CLHC1: variants seen among roughly 807,000 people sequenced by gnomAD.
The protein encoded by CLHC1 is clathrin heavy chain linker domain-containing protein 1.
Under a neutral mutation model 69.5 loss-of-function variants are expected in CLHC1, and 72 were observed. That is an observed-to-expected ratio of 1.04 (90% CI 0.86 to 1.26). The LOEUF (loss-of-function observed/expected upper bound fraction) is 1.26, where lower values mean the gene tolerates loss of function less well. Ranked by LOEUF, CLHC1 falls within the 50% of genes most tolerant of loss-of-function variation. CLHC1 has a pLI of 0.00. For synonymous variants in CLHC1, 223 were observed against 224.3 expected (o/e 0.99, Z 0.05); for missense variants, 790 against 679.3 (o/e 1.16, Z -1.81).
intron 2 of CLHC1, 127 bp from the exon 3 acceptor site, chr2:55,222,620 G>A (rs975999786): frequency 4.8e-6 from 2 of 418,464 alleles, no homozygotes; most frequent in Non-Finnish European, 8.5e-6. Flanking sequence ...TTCAACCTAT[G>A]TATTAAAAGG....
chr2:55,174,143 A>G lies in CLHC1; in HGVS notation c.*1647T>C, dbSNP rs1669183495. The stretch of plus-strand genomic sequence containing the variant: ...TCAACAGCCTGTATGAAGGCCAAAA[A>G]TCAAAATATTATTTTGATAAGGCTT... On this transcript the variant is annotated 3_prime_UTR_variant, in exon 13 of 13. Transcript: ENST00000401408. 6.6e-6 allele frequency among the ~76,000 whole-genome samples: 1 copy of G among 152,224 alleles called. No individual in the cohort carries two copies. Among genetic ancestry groups the G allele is most frequent in the South Asian group, 2.1e-4 (1 of 4,836 alleles).
At chr2:55,215,751 A>G (rs1673433196) in intron 4 of CLHC1, among the ~76,000 whole-genome samples, 1 of 152,132 alleles carries the variant, frequency 6.6e-6, no homozygotes, top group Non-Finnish European at 1.5e-5. Context: ...TATGGTCACT[A>G]GCTTTTAAAA....
At chr2:55,221,429 A>G (rs988758924) in intron 3 of CLHC1, among the ~76,000 whole-genome samples, 1 of 152,236 alleles carries the variant, frequency 6.6e-6, no homozygotes, top group Non-Finnish European at 1.5e-5. Flanking sequence ...TATTTCCAAT[A>G]TTAATTCCAG....
chr2:55,210,215 G>C (rs12469768), intron 5 of CLHC1, among the ~76,000 whole-genome samples: 2,251 of 150,070 alleles, frequency 0.015, 39 homozygotes, highest in South Asian at 0.06. Flanking sequence ...TATTTTTTTT[G>C]AGATGGAGTC....
intron 9 of CLHC1, among the ~76,000 whole-genome samples, chr2:55,190,088 A>C (rs1472804245): frequency 6.6e-6 from 1 of 152,032 alleles, no homozygotes; most frequent in Non-Finnish European, 1.5e-5. Flanking sequence ...TCTGTGGCCC[A>C]GGCTGGAGTG....
At chr2:55,177,545 G>T in intron 12 of CLHC1, 57 bp downstream of exon 12, 1 of 1,289,176 alleles carries the variant, frequency 7.8e-7, no homozygotes, top group Non-Finnish European at 1.1e-6. Flanking sequence ...TAACCATCTT[G>T]AACCTCTCCC....
At chr2:55,221,968 C>T (rs1042982087) in intron 3 of CLHC1, among the ~76,000 whole-genome samples, 1 of 152,160 alleles carries the variant, frequency 6.6e-6, no homozygotes, top group Non-Finnish European at 1.5e-5. Flanking sequence ...TACAGTGAGA[C>T]TCTCTCTTTA....
intron 9 of CLHC1, among the ~76,000 whole-genome samples, chr2:55,191,806 A>G (rs1028648445): frequency 1.2e-4 from 19 of 152,180 alleles, no homozygotes; most frequent in Non-Finnish European, 2.5e-4. Flanking sequence ...TTTCAAAAAA[A>G]AAGAAGAGAT....
At chr2:55,190,532 G>T (rs952709158) in intron 9 of CLHC1, among the ~76,000 whole-genome samples, 5 of 152,136 alleles carry the variant, frequency 3.3e-5, no homozygotes, top group Admixed American at 6.5e-5. Flanking sequence ...GATGGAATAT[G>T]TTAAGTAGAG....
At chr2:55,211,883 T>C (rs1206048587) in intron 5 of CLHC1, among the ~76,000 whole-genome samples, 1 of 152,212 alleles carries the variant, frequency 6.6e-6, no homozygotes, top group Non-Finnish European at 1.5e-5. Context: ...AAGCAGTGAA[T>C]GCTGACATCA....
At chr2:55,195,991 C>T (rs1245227231) in intron 9 of CLHC1, among the ~76,000 whole-genome samples, 1 of 152,008 alleles carries the variant, frequency 6.6e-6, no homozygotes, top group African/African-American at 2.4e-5. Flanking sequence ...CATCCTTTGG[C>T]AGTGGCCACG....
intron 2 of CLHC1, chr2:55,224,320 G>C (rs1674480542): frequency 2.1e-6 from 1 of 467,952 alleles, no homozygotes; most frequent in Non-Finnish European, 4.4e-6. Context: ...GGGAGTGTTT[G>C]AGTGTGAACT....
chr2:55,205,951 T>C (rs538403126), intron 9 of CLHC1, among the ~76,000 whole-genome samples: 2 of 152,308 alleles, frequency 1.3e-5, no homozygotes, highest in Admixed American at 6.5e-5. Context: ...TGTTGTATTA[T>C]GTCAATTTAC....
chr2:55,232,413 C>T (rs1246134749), upstream of CLHC1: 1 of 289,616 alleles, frequency 3.5e-6, no homozygotes, highest in East Asian at 8.6e-5. Context: ...CCCTCGACCT[C>T]CTTTTAAAAA....
At chr2:55,209,958 A>G in intron 5 of CLHC1, 127 bp from the exon 6 acceptor site, 1 of 602,856 alleles carries the variant, frequency 1.7e-6, no homozygotes, top group South Asian at 2.2e-5. Flanking sequence ...ATGTACTTAT[A>G]GCTTACTGAA....
chr2:55,210,236 G>A (rs968806195), intron 5 of CLHC1, among the ~76,000 whole-genome samples: 8 of 151,404 alleles, frequency 5.3e-5, no homozygotes, highest in Admixed American at 6.6e-5. Context: ...GCACTCTGTC[G>A]CCCAGGCTGG....
intron 2 of CLHC1, among the ~76,000 whole-genome samples, chr2:55,227,177 A>C (rs1378579383): frequency 6.6e-6 from 1 of 152,246 alleles, no homozygotes; most frequent in Non-Finnish European, 1.5e-5. Flanking sequence ...AAGTAGTTCC[A>C]GCAAGGGAAT....
chr2:55,204,871 T>C (rs761040126), intron 9 of CLHC1, among the ~76,000 whole-genome samples: 6 of 151,732 alleles, frequency 4.0e-5, no homozygotes, highest in Non-Finnish European at 7.4e-5. Context: ...GTTGGTGGAG[T>C]TAAAAATAAA....
chr2:55,222,555 C>A, intron 2 of CLHC1, 62 bp from the exon 3 acceptor site: 1 of 589,894 alleles, frequency 1.7e-6, no homozygotes, highest in South Asian at 2.6e-5. Flanking sequence ...AAATATTGAT[C>A]TAAAAATGTA....
Sources: allele counts gnomAD v4.1 joint callset (sites outside exome capture counted in the v4.1 genomes callset), GRCh38; gene constraint gnomAD v4.1.1; transcripts MANE v1.5; gene names NCBI Gene and HGNC (gene_info 2026-07-23, HGNC 2026-07-21).